MAN1C1: variants seen among roughly 807,000 people sequenced by gnomAD.
MAN1C1 encodes the protein mannosidase alpha class 1C member 1.
A neutral mutation model predicts 71.5 loss-of-function variants in MAN1C1; 49 were observed. That is an observed-to-expected ratio of 0.69 (90% CI 0.54 to 0.87). The LOEUF is 0.87. Ranked by LOEUF, MAN1C1 falls within the 40% of genes least tolerant of loss-of-function variation. The pLI is 0.00. For missense variants in MAN1C1, 743 were observed against 835.0 expected, an observed-to-expected ratio of 0.89 and a Z score of 1.36; for synonymous variants, 352 against 343.7, an observed-to-expected ratio of 1.02 and a Z score of -0.27.
chr1:25,774,382 GGGTCAGAAA>G, intron 8 of MAN1C1, among the ~76,000 whole-genome samples: 1 of 152,312 alleles, frequency 6.6e-6, no homozygotes, highest in East Asian at 1.9e-4. Context: ...ACGAAACTGA[GGGTCAGAAA>G]GGCCCAAGGT....
In MAN1C1 at chr1:25,617,662, G is replaced by T. The variant is rs1226767398; in HGVS notation, c.-136G>T. ...AACTTCGGGGACAGTCCCCCGAAGCGGCGAAACTCTCAGGGTTGGCAACCC... is the reference window on the plus strand; with the variant it reads ...AACTTCGGGGACAGTCCCCCGAAGCTGCGAAACTCTCAGGGTTGGCAACCC... On this transcript the variant is annotated 5_prime_UTR_variant, in exon 1 of 12. Transcript: ENST00000374332. This position sits in a 1 kb window ranked among gnomAD's most constrained non-coding sequence, Gnocchi z 5.1. 392 of 680,570 alleles carry T rather than the reference G, an allele frequency of 5.8e-4. 2 individuals are homozygous for T. The highest frequency in any genetic ancestry group is 8.8e-5 in the Non-Finnish European group (38 of 431,172). The allele number at this position is 680,570 out of a possible 1,614,324, so 42.2% of individuals were successfully genotyped here.
intron 1 of MAN1C1, chr1:25,646,006 G>C (rs1022659422): frequency 6.6e-6 from 1 of 152,306 alleles, no homozygotes; most frequent in Non-Finnish European, 1.5e-5. Flanking sequence ...TGAATGTTGA[G>C]GTCTGCCTAT....
chr1:25,752,192 T>C (rs2047225377), intron 4 of MAN1C1, among the ~76,000 whole-genome samples: 1 of 152,076 alleles, frequency 6.6e-6, no homozygotes, highest in Non-Finnish European at 1.5e-5. Flanking sequence ...ATAAAGTACA[T>C]TCATTTCTCT....
rs766513186 is a variant in MAN1C1, at chr1:25,781,027, G to A, written c.1565G>A (p.Arg522Gln). ...CTGAGCGAGAGCTACTACATCCTCC[G>A]GCCAGAGGTGGTGGAGAGCTACATG... The part of the protein sequence containing the change: ...TQLSESYYIL[R>Q]PEVVESYMYL... Residue 522 changes from arginine (R) to glutamine (Q), a missense_variant, in exon 10 of 12, where the codon CGG becomes CAG. Coordinates refer to ENST00000374332, the MANE Select transcript of MAN1C1 (RefSeq NM_020379.4). 5.6e-6 allele frequency: 9 copies of A among 1,613,974 alleles called. No individual in the cohort carries two copies. The highest frequency in any genetic ancestry group is 4.5e-5 in the East Asian group (2 of 44,890).
chr1:25,665,341 G>A (rs2045906911), intron 1 of MAN1C1, among the ~76,000 whole-genome samples: 1 of 152,188 alleles, frequency 6.6e-6, no homozygotes, highest in Middle Eastern at 3.4e-3. Flanking sequence ...ATTATAAAAA[G>A]CTATTTTAAG....
Position 25,782,531 on chromosome 1 carries a change from G to C in MAN1C1, c.1651-54G>C, listed in dbSNP as rs2124420647. 8.1e-7 allele frequency: 1 copy of C among 1,229,814 alleles called. No homozygotes were observed. The highest frequency in any genetic ancestry group is 1.2e-6 in the Non-Finnish European group (1 of 832,414). 76.2% of individuals were successfully genotyped at this position (1,229,814 alleles called of 1,614,324 possible). A position where few individuals can be genotyped will look rare whatever the true frequency, so the allele number is the denominator to read the frequency against. On this transcript the variant is annotated intron_variant, in intron 10 of 11. Coordinates refer to ENST00000374332, the MANE Select transcript of MAN1C1 (RefSeq NM_020379.4). This position sits in a 1 kb window ranked among gnomAD's most constrained non-coding sequence, Gnocchi z 4.4. ...GCCAGGCATGCACAAGTCTTGAGGG[G>C]CCTTTCCTGTCCCGTGTTAAGGCTG...
chr1:25,670,805 T>G (rs2045983760), intron 1 of MAN1C1, among the ~76,000 whole-genome samples: 1 of 152,162 alleles, frequency 6.6e-6, no homozygotes, highest in Non-Finnish European at 1.5e-5. Context: ...TGAGGGTGGT[T>G]GGGTAAGAAG....
chr1:25,665,136 T>A (rs1353424432), intron 1 of MAN1C1, among the ~76,000 whole-genome samples: 1 of 152,204 alleles, frequency 6.6e-6, no homozygotes, highest in Non-Finnish European at 1.5e-5. Flanking sequence ...ATTATTTCCA[T>A]TTGTGTTACG....
chr1:25,665,729 A>G (rs2045913540), intron 1 of MAN1C1, among the ~76,000 whole-genome samples: 1 of 152,132 alleles, frequency 6.6e-6, no homozygotes, highest in Non-Finnish European at 1.5e-5. Context: ...TATTTCCATC[A>G]TCCTGCTGAT....
chr1:25,705,632 G>A (rs1288494700), intron 2 of MAN1C1, among the ~76,000 whole-genome samples: 1 of 152,196 alleles, frequency 6.6e-6, no homozygotes, highest in African/African-American at 2.4e-5. Context: ...TTTACCACGT[G>A]CCACTCTGCT....
At chr1:25,767,754 C>G (rs557378634) in intron 7 of MAN1C1, among the ~76,000 whole-genome samples, 3 of 40,850 alleles carry the variant, frequency 7.3e-5, no homozygotes, top group Non-Finnish European at 8.4e-5. Flanking sequence ...CACACCCACA[C>G]TCCCCTCACA....
intron 7 of MAN1C1, among the ~76,000 whole-genome samples, chr1:25,768,252 A>C (rs2047480055): frequency 6.9e-4 from 3 of 4,356 alleles, no homozygotes; most frequent in Non-Finnish European, 8.8e-4. Context: ...ACACATCCAC[A>C]CTCCCCTCAC....
Position 25,618,336 on chromosome 1 carries a change from A to C in MAN1C1, c.539A>C (p.Glu180Ala). The change falls in exon 1 of 12, where the codon GAG becomes GCG. Residue 180 changes from glutamate (E) to alanine (A), a missense_variant and splice_region_variant. Physicochemically the swap from Glu to Ala is moderately radical, Grantham distance 107 (BLOSUM62 -1). Transcript: ENST00000374332. The stretch of plus-strand genomic sequence containing the variant: ...CGAGCCCAGCGGGAGAAAATCAAGG[A>C]GGTATGGACTCAGCCCCCAAACTCC... The part of the protein sequence containing the change: ...QVRAQREKIK[E>A]MMQFAWQSYK... 1.3e-6 allele frequency: 2 copies of C among 1,596,602 alleles called. No individual in the cohort carries two copies. The highest frequency in any genetic ancestry group is 1.7e-6 in the Non-Finnish European group (2 of 1,174,100).
At chr1:25,758,839 A>G in intron 6 of MAN1C1, 130 bp downstream of exon 6, 1 of 805,404 alleles carries the variant, frequency 1.2e-6, no homozygotes, top group Non-Finnish European at 2.1e-6. Context: ...CGGGAGCCCA[A>G]GCTACCACTA....
chr1:25,712,647 G>A (rs2046628884), intron 2 of MAN1C1, among the ~76,000 whole-genome samples: 1 of 152,292 alleles, frequency 6.6e-6, no homozygotes, highest in South Asian at 2.1e-4. Flanking sequence ...AAGGCATGGA[G>A]GACAGCCATT....
intron 1 of MAN1C1, among the ~76,000 whole-genome samples, chr1:25,627,269 C>CTTG (rs1557738929): frequency 8.3e-4 from 125 of 150,238 alleles, no homozygotes; most frequent in African/African-American, 2.9e-3. Flanking sequence ...CTCTTCTCTT[C>CTTG]TCTTCTCTTG....
intron 2 of MAN1C1, among the ~76,000 whole-genome samples, chr1:25,716,166 G>A (rs2046677247): frequency 6.6e-6 from 1 of 152,206 alleles, no homozygotes; most frequent in Admixed American, 6.5e-5. Flanking sequence ...CTGGAAGGGA[G>A]GCTGGGAAAT....
chr1:25,713,193 C>T (rs183245102), intron 2 of MAN1C1, among the ~76,000 whole-genome samples: 3 of 151,394 alleles, frequency 2.0e-5, no homozygotes, highest in Admixed American at 1.3e-4. Context: ...GCCTGCCTCT[C>T]AGTCCAGTGC....
At chr1:25,712,213 T>C (rs1341760570) in intron 2 of MAN1C1, among the ~76,000 whole-genome samples, 1 of 152,220 alleles carries the variant, frequency 6.6e-6, no homozygotes. Flanking sequence ...TCGGCCGGCG[T>C]CTTGGCAGGG....
Sources: gnomAD v4.1 joint callset for allele counts (sites outside exome capture counted in the v4.1 genomes callset) on GRCh38, gnomAD v4.1.1 for gene constraint, Gnocchi (gnomAD v3.1) non-coding constraint, MANE v1.5 for transcripts, NCBI Gene and HGNC (gene_info 2026-07-23, HGNC 2026-07-21) for gene names.